DYNC1H1: variants seen among roughly 807,000 people sequenced by gnomAD.
DYNC1H1 encodes the protein dynein cytoplasmic 1 heavy chain 1.
In DYNC1H1, 51 loss-of-function variants were observed where a neutral mutation model predicts 527.1. The observed-to-expected ratio is 0.10, with a 90% CI of 0.08 to 0.12. The LOEUF (loss-of-function observed/expected upper bound fraction) is 0.12, where lower values mean the gene tolerates loss of function less well. DYNC1H1 is among the 10% of genes least tolerant of loss of function. The probability of loss-of-function intolerance (pLI) is 1.00; values close to 1 mark genes in which losing one functional copy is unlikely to be tolerated. For missense variants in DYNC1H1, 2,771 were observed against 5,971.8 expected (o/e 0.46, Z 17.66); for synonymous variants, 2,189 against 2,278.8 (o/e 0.96, Z 1.12).
At chr14:102,028,519 C>T (rs973746215) in intron 48 of DYNC1H1, 3 of 338,958 alleles carry the variant, frequency 8.9e-6, no homozygotes, top group Non-Finnish European at 5.8e-6. Context: ...AGACTCAAAA[C>T]AACATAAATA....
chr14:102,033,606 C>T lies in DYNC1H1; in HGVS notation c.10413+122C>T. The stretch of plus-strand genomic sequence containing the variant: ...AATTCGCTCTTTAACATCTGTAAGG[C>T]CCCGGAGGACTTTTTTCCTGGAAAA... On this transcript the variant is annotated intron_variant, in intron 54 of 77. Coordinates refer to ENST00000360184, the MANE Select transcript of DYNC1H1 (RefSeq NM_001376.5). The surrounding 1 kb of genome is among the most constrained non-coding windows in gnomAD (Gnocchi z 5.6). 7.7e-7 allele frequency: 1 copy of T among 1,292,706 alleles called. No homozygotes were observed. 80.1% of individuals were successfully genotyped at this position (1,292,706 alleles called of 1,614,324 possible).
In DYNC1H1 at chr14:102,040,673, A is replaced by G. The variant is rs775499797; in HGVS notation, c.11941A>G (p.Thr3981Ala). Reference sequence around the variant, plus strand: ...CCTCTGGAGTGAAGAAACACCTGCAAGTAAGCCCCACTGTGGTTTTCTTTC... The same window carrying G: ...CCTCTGGAGTGAAGAAACACCTGCAGGTAAGCCCCACTGTGGTTTTCTTTC... The part of the protein sequence containing the change: ...PYLWSEETPA[T>A]PIGQAIHRLL... The change falls in exon 64 of 78, where the codon ACA becomes GCA. Residue 3981 changes from threonine to alanine, a missense_variant and splice_region_variant. Physicochemically the swap from Thr to Ala is moderately conservative, Grantham distance 58. This residue lies in a region of DYNC1H1 where 120 missense variants were observed against 161.9 expected (regional missense o/e 0.74). Transcript: ENST00000360184. The G allele has an allele frequency of 1.2e-6, 2 of 1,614,246 alleles. No homozygotes were observed. Among genetic ancestry groups the G allele is most frequent in the South Asian group, 2.2e-5 (2 of 91,090 alleles).
At chr14:101,996,902 CAAG>C in intron 15 of DYNC1H1, 130 bp from the exon 16 acceptor site, 1 of 1,330,216 alleles carries the variant, frequency 7.5e-7, no homozygotes, top group Non-Finnish European at 1.0e-6. Context: ...GGATTACAGG[CAAG>C]AACCACTGTG....
Position 101,988,884 on chromosome 14 carries a change from T to G in DYNC1H1, c.2868+32T>G, listed in dbSNP as rs756447791. The G allele has an allele frequency of 3.7e-6, 6 of 1,613,568 alleles. No homozygotes were observed. In the African/African-American group the frequency reaches 8.0e-5, roughly 22 times the overall value. On this transcript the variant is annotated intron_variant, in intron 10 of 77. Transcript: ENST00000360184. ...GCTTCTGTGGCATTCTATTTACTAA[T>G]AAGTGAAATAACAAAACTCTCTCGT...
chr14:102,046,167 CAAA>C (rs749507372), intron 72 of DYNC1H1, among the ~76,000 whole-genome samples: 7 of 119,550 alleles, frequency 5.9e-5, no homozygotes, highest in Non-Finnish European at 5.4e-5. Context: ...GACTTTGTCT[CAAA>C]AAAAAAAAAA....
At chr14:101,987,112 G>A (rs17540776) in intron 8 of DYNC1H1, among the ~76,000 whole-genome samples, 153 of 152,360 alleles carry the variant, frequency 1.0e-3, no homozygotes, top group African/African-American at 3.6e-3. Flanking sequence ...GCTGCCAGCG[G>A]ACCAGATGCA....
chr14:102,038,447 G>A lies in DYNC1H1; in HGVS notation c.10909-13G>A, dbSNP rs747149012. On this transcript the variant is annotated splice_polypyrimidine_tract_variant and intron_variant, in intron 57 of 77. Transcript: ENST00000360184. The surrounding 1 kb of genome is among the most constrained non-coding windows in gnomAD (Gnocchi z 7.2). Reference sequence around the variant, plus strand: ...AAGCCCTGACCATCAAGTTCCACCCGTGTGGAATGCAGGATGTGGAAAGCT... The same window carrying A: ...AAGCCCTGACCATCAAGTTCCACCCATGTGGAATGCAGGATGTGGAAAGCT... 3.4e-5 allele frequency: 55 copies of A among 1,613,614 alleles called. No individual in the cohort carries two copies. The Middle Eastern group carries it at 6.9e-4, about 20-fold the overall frequency.
rs770666674 is a variant in DYNC1H1 at position 101,991,492 on chromosome 14, G to T, written c.2869-35G>T. 9.9e-6 allele frequency: 16 copies of T among 1,613,796 alleles called. No individual in the cohort carries two copies. In the South Asian group the frequency reaches 1.4e-4, roughly 14 times the overall value. On this transcript the variant is annotated intron_variant, in intron 10 of 77. Transcript: ENST00000360184. ...AAAAAATTTTTTTTATTGAAAAATAGATTGCTGAGTAGAAATGAAACCTTT... is the reference window on the plus strand; with the variant it reads ...AAAAAATTTTTTTTATTGAAAAATATATTGCTGAGTAGAAATGAAACCTTT...
Position 102,055,995 on chromosome 14 carries a change from A to G in DYNC1H1, c.*5432A>G, listed in dbSNP as rs2048872797. The stretch of plus-strand genomic sequence containing the variant: ...TTGTCAAGGTTGAGGACGCGCACCC[A>G]TGACACAGCCTCAGGAGGTCCTGAC... On this transcript the variant is annotated 3_prime_UTR_variant, in exon 78 of 78. Coordinates refer to ENST00000360184, the MANE Select transcript of DYNC1H1 (RefSeq NM_001376.5). 1 of 152,212 alleles carries G rather than the reference A, an allele frequency of 6.6e-6. No homozygotes were observed. The highest frequency in any genetic ancestry group is 2.4e-5 in the African/African-American group (1 of 41,450). 9.4% of individuals were successfully genotyped at this position (152,212 alleles called of 1,614,324 possible). A position where few individuals can be genotyped will look rare whatever the true frequency, so the allele number is the denominator to read the frequency against.
Position 102,041,362 on chromosome 14 carries a change from A to T in DYNC1H1, c.11942-212A>T. ...AATCAGCAAATGGCACCTTTGTCCT[A>T]TGGATACATCCAGGTAGTAAGGTGT... is the stretch of plus-strand genomic sequence containing the variant. On this transcript the variant is annotated intron_variant, in intron 64 of 77. Transcript: ENST00000360184. The surrounding 1 kb of genome is among the most constrained non-coding windows in gnomAD (Gnocchi z 4.5). 1 of 710,694 alleles carries T rather than the reference A, an allele frequency of 1.4e-6. No homozygotes were observed. Among genetic ancestry groups the T allele is most frequent in the Admixed American group, 2.3e-5 (1 of 43,124 alleles). 44.0% of individuals were successfully genotyped at this position (710,694 alleles called of 1,614,324 possible). A position where few individuals can be genotyped will look rare whatever the true frequency, so the allele number is the denominator to read the frequency against.
chr14:102,005,346 CAGTGGATGGTGTATGGATATCCTCTG>C lies in DYNC1H1; in HGVS notation c.5433+113_5433+138del. The C allele has an allele frequency of 7.1e-7, 1 of 1,414,440 alleles. No homozygotes were observed. Among genetic ancestry groups the C allele is most frequent in the Non-Finnish European group, 9.9e-7 (1 of 1,009,852 alleles). 87.6% of individuals were successfully genotyped at this position (1,414,440 alleles called of 1,614,324 possible). ...AGGTTTCAGGTAGTATCAAGGAGAA[CAGTGGATGGTGTATGGATATCCTCTG>C]AGGGTGGGCATTTGGCTCCCTGTCC... On this transcript the variant is annotated intron_variant, in intron 26 of 77. Coordinates refer to ENST00000360184, the MANE Select transcript of DYNC1H1 (RefSeq NM_001376.5). This position sits in a 1 kb window ranked among gnomAD's most constrained non-coding sequence, Gnocchi z 4.0.
At position 102,038,331 on chromosome 14, in the gene DYNC1H1, C is replaced by A; in HGVS notation, c.10909-129C>A. 6.9e-7 allele frequency: 1 copy of A among 1,451,174 alleles called. No homozygotes were observed. Among genetic ancestry groups the A allele is most frequent in the Non-Finnish European group, 9.4e-7 (1 of 1,062,140 alleles). 89.9% of individuals were successfully genotyped at this position (1,451,174 alleles called of 1,614,324 possible). A position where few individuals can be genotyped will look rare whatever the true frequency, so the allele number is the denominator to read the frequency against. ...GTAAGTAGCCACACATAGCTAGTGG[C>A]CACCACACGCAAGTGGCGGGTGGCT... On this transcript the variant is annotated intron_variant, in intron 57 of 77. Coordinates refer to ENST00000360184, the MANE Select transcript of DYNC1H1 (RefSeq NM_001376.5). This position sits in a 1 kb window ranked among gnomAD's most constrained non-coding sequence, Gnocchi z 7.2.
intron 1 of DYNC1H1, among the ~76,000 whole-genome samples, chr14:101,967,756 G>A (rs1856344392): frequency 6.6e-6 from 1 of 152,166 alleles, no homozygotes; most frequent in Non-Finnish European, 1.5e-5. Flanking sequence ...GAGCCCAGGA[G>A]TTTGACGCTG....
At chr14:102,019,852 A>C (rs1263581204) in intron 41 of DYNC1H1, 41 bp from the exon 42 acceptor site, 3 of 1,612,980 alleles carry the variant, frequency 1.9e-6, no homozygotes, top group Non-Finnish European at 2.5e-6. Flanking sequence ...TCTGTGTCTT[A>C]AGATATTTAC....
chr14:102,048,202 G>A (rs74358817), intron 73 of DYNC1H1, 174 bp downstream of exon 73: 13 of 882,036 alleles, frequency 1.5e-5, no homozygotes, highest in Non-Finnish European at 2.2e-5. Context: ...AGATGAGTTG[G>A]CCCTTTTGAA....
intron 42 of DYNC1H1, among the ~76,000 whole-genome samples, chr14:102,021,013 G>A (rs115206144): frequency 1.5e-3 from 226 of 152,182 alleles, no homozygotes; most frequent in African/African-American, 5.2e-3. Flanking sequence ...TCTTATTGGA[G>A]TTCTGCTGCT....
At position 102,010,238 on chromosome 14, in the gene DYNC1H1, A is replaced by G. The variant is rs374191150; in HGVS notation, c.6222-38A>G. 6.2e-5 allele frequency: 100 copies of G among 1,613,536 alleles called. 1 individual carries two copies. The Middle Eastern group carries it at 8.2e-4, about 13-fold the overall frequency. ...TTGACCCTATTATTGCTTAAAGTAT[A>G]CTGTTATTAAAGATAGCCTTTTTTT... On this transcript the variant is annotated intron_variant, in intron 30 of 77. Coordinates refer to ENST00000360184, the MANE Select transcript of DYNC1H1 (RefSeq NM_001376.5). This position sits in a 1 kb window ranked among gnomAD's most constrained non-coding sequence, Gnocchi z 6.0.
chr14:101,977,336 G>A (rs1055733260), intron 2 of DYNC1H1, among the ~76,000 whole-genome samples: 7 of 152,050 alleles, frequency 4.6e-5, no homozygotes, highest in African/African-American at 1.4e-4. Flanking sequence ...CTCAGGTTAC[G>A]GAAGAGTTGC....
Position 102,011,989 on chromosome 14 carries a change from G to C in DYNC1H1, c.6733G>C (p.Glu2245Gln). 6.2e-7 allele frequency: 1 copy of C among 1,614,112 alleles called. No homozygotes were observed. Among genetic ancestry groups the C allele is most frequent in the Admixed American group, 1.7e-5 (1 of 60,018 alleles). Reference protein sequence around the residue: ...RVLLKALERLEGVEGVAHIID... With the variant: ...RVLLKALERLQGVEGVAHIID... ...CCTGCTGAAGGCATTGGAGAGACTC[G>C]AGGGTGTGGAAGGTGTGGCCCATAT... is the stretch of plus-strand genomic sequence containing the variant. The change falls in exon 33 of 78, where the codon GAG (glutamate) becomes CAG (glutamine). Residue 2245 changes from glutamate (E) to glutamine (Q), a missense_variant. Physicochemically the swap from Glu to Gln is conservative, Grantham distance 29. Coordinates refer to ENST00000360184, the MANE Select transcript of DYNC1H1 (RefSeq NM_001376.5). This position sits in a 1 kb window ranked among gnomAD's most constrained non-coding sequence, Gnocchi z 5.3.
Sources: allele counts gnomAD v4.1 joint callset (sites outside exome capture counted in the v4.1 genomes callset), GRCh38; gene constraint gnomAD v4.1.1; regional missense constraint gnomAD v4.1.1; non-coding constraint Gnocchi (gnomAD v3.1); transcripts MANE v1.5; gene names NCBI Gene and HGNC (gene_info 2026-07-23, HGNC 2026-07-21).